The following MGAT4A variants were observed in gnomAD, a reference collection of about 807,000 sequenced individuals.
The protein encoded by MGAT4A is alpha-1,3-mannosyl-glycoprotein 4-beta-N-acetylglucosaminyltransferase A, also known as N-acetylglucosaminyltransferase IVa.
MGAT4A carries 33 observed loss-of-function variants against 74.1 expected under a neutral mutation model. The ratio of observed to expected loss-of-function variants is 0.45; its 90% CI spans 0.34 to 0.60. The LOEUF (loss-of-function observed/expected upper bound fraction) is 0.60. MGAT4A is among the 20% of genes least tolerant of loss of function. The pLI, the probability that MGAT4A is intolerant of heterozygous loss-of-function variation, is 0.02. For missense variants in MGAT4A, 479 were observed against 628.3 expected (o/e 0.76, Z 2.54); for synonymous variants, 198 against 210.4 (o/e 0.94, Z 0.51).
Position 98,620,732 on chromosome 2 carries a change from TA to T in MGAT4A, c.*4833del, listed in dbSNP as rs1208316042. ...GCAAAGGTTATTTTTGCTCTTAATG[TA>T]TCTAAAATACCACTGTTAATCATTC... On this transcript the variant is annotated 3_prime_UTR_variant, in exon 16 of 16. Coordinates refer to ENST00000393487, the MANE Select transcript of MGAT4A (RefSeq NM_012214.3). The T allele has an allele frequency of 6.6e-6, 1 of 152,244 alleles. No homozygotes were observed. The highest frequency in any genetic ancestry group is 1.5e-5 in the Non-Finnish European group (1 of 68,044). 9.4% of individuals were successfully genotyped at this position (152,244 alleles called of 1,614,324 possible). A position where few individuals can be genotyped will look rare whatever the true frequency, so the allele number is the denominator to read the frequency against.
intron 4 of MGAT4A, among the ~76,000 whole-genome samples, chr2:98,668,054 T>C (rs1701862830): frequency 6.6e-6 from 1 of 152,198 alleles, no homozygotes; most frequent in South Asian, 2.1e-4. Flanking sequence ...CATGAAAGTT[T>C]GGAAAATTTG....
intron 2 of MGAT4A, among the ~76,000 whole-genome samples, chr2:98,691,474 C>T (rs749364331): frequency 1.3e-5 from 2 of 151,986 alleles, no homozygotes; most frequent in Non-Finnish European, 2.9e-5. Context: ...CTGAAAAATT[C>T]CTATCGCCTA....
chr2:98,641,700 A>AT (rs976699507), intron 10 of MGAT4A, among the ~76,000 whole-genome samples: 3 of 151,136 alleles, frequency 2.0e-5, no homozygotes, highest in African/African-American at 7.3e-5. Context: ...AGAAAAAAAA[A>AT]TACAAAAATT....
Position 98,620,090 on chromosome 2 carries a change from C to T in MGAT4A, c.*5476G>A, listed in dbSNP as rs536913705. The T allele has an allele frequency of 1.3e-5, 2 of 152,058 alleles. No individual in the cohort carries two copies. Among genetic ancestry groups the T allele is most frequent in the African/African-American group, 4.8e-5 (2 of 41,386 alleles). 9.4% of individuals were successfully genotyped at this position (152,058 alleles called of 1,614,324 possible). ...AAAATGATCTAGTTAGTGCCCAAAC[C>T]GGGTGAAGGAGTGTTTCAGGTAAGA... On this transcript the variant is annotated 3_prime_UTR_variant, in exon 16 of 16. Coordinates refer to ENST00000393487, the MANE Select transcript of MGAT4A (RefSeq NM_012214.3).
At chr2:98,699,501 T>C (rs1702321731) in intron 2 of MGAT4A, among the ~76,000 whole-genome samples, 1 of 152,112 alleles carries the variant, frequency 6.6e-6, no homozygotes, top group Admixed American at 6.5e-5. Context: ...AATCATATTT[T>C]AGTCTTTTTT....
intron 5 of MGAT4A, among the ~76,000 whole-genome samples, chr2:98,659,662 G>C (rs971700003): frequency 6.6e-6 from 1 of 152,134 alleles, no homozygotes; most frequent in Non-Finnish European, 1.5e-5. Flanking sequence ...TTTATAAGGG[G>C]TTTCCCCCTT....
chr2:98,684,798 A>G (rs548119240), intron 2 of MGAT4A, among the ~76,000 whole-genome samples: 1 of 152,376 alleles, frequency 6.6e-6, no homozygotes, highest in African/African-American at 2.4e-5. Context: ...TGTACAAGAT[A>G]CTACTAAATT....
At chr2:98,672,212 C>A (rs1701920462) in intron 4 of MGAT4A, among the ~76,000 whole-genome samples, 1 of 152,176 alleles carries the variant, frequency 6.6e-6, no homozygotes, top group African/African-American at 2.4e-5. Flanking sequence ...CCTAATTAGG[C>A]CAAAAGTCCC....
At chr2:98,628,992 A>G (rs1248649136) in intron 14 of MGAT4A, among the ~76,000 whole-genome samples, 1 of 152,248 alleles carries the variant, frequency 6.6e-6, no homozygotes, top group African/African-American at 2.4e-5. Context: ...TTCCAAAAAA[A>G]CTTTATTTAT....
intron 2 of MGAT4A, among the ~76,000 whole-genome samples, chr2:98,722,555 G>T (rs1702690831): frequency 6.6e-6 from 1 of 152,182 alleles, no homozygotes; most frequent in Non-Finnish European, 1.5e-5. Flanking sequence ...TAGGGATTAG[G>T]ACAGTAATAG....
At chr2:98,730,356 G>C (rs1702830074) in intron 1 of MGAT4A, 1 of 152,226 alleles carries the variant, frequency 6.6e-6, no homozygotes, top group African/African-American at 2.4e-5. Flanking sequence ...TGGAGTCACC[G>C]AGACCCAGCC....
intron 4 of MGAT4A, among the ~76,000 whole-genome samples, chr2:98,674,742 A>ATC (rs967171139): frequency 2.4e-4 from 36 of 152,232 alleles, no homozygotes; most frequent in African/African-American, 7.5e-4. Context: ...AAGGCAAGTC[A>ATC]TCTCTGTACT....
At chr2:98,727,592 C>T (rs1702784604) in intron 1 of MGAT4A, among the ~76,000 whole-genome samples, 1 of 152,152 alleles carries the variant, frequency 6.6e-6, no homozygotes, top group Non-Finnish European at 1.5e-5. Context: ...ACAGGATGCA[C>T]CTGGTAATAT....
At chr2:98,650,493 T>G (rs184351676) in intron 8 of MGAT4A, among the ~76,000 whole-genome samples, 47 of 152,258 alleles carry the variant, frequency 3.1e-4, no homozygotes, top group African/African-American at 1.1e-3. Context: ...AAGAGGAAAG[T>G]GACCCAACAA....
chr2:98,627,348 C>T (rs567771148), intron 14 of MGAT4A, among the ~76,000 whole-genome samples: 67 of 152,176 alleles, frequency 4.4e-4, no homozygotes, highest in African/African-American at 1.6e-3. Flanking sequence ...CATTAAGAAA[C>T]AATATTAAGT....
chr2:98,670,926 CCAA>C (rs1410968053), intron 4 of MGAT4A, among the ~76,000 whole-genome samples: 1 of 152,192 alleles, frequency 6.6e-6, no homozygotes, highest in African/African-American at 2.4e-5. Context: ...ACTGCCTACT[CCAA>C]CATCTCCACT....
Position 98,644,023 on chromosome 2 carries a change from A to G in MGAT4A, c.920T>C (p.Leu307Pro). The G allele has an allele frequency of 6.2e-7, 1 of 1,601,722 alleles. No individual in the cohort carries two copies. The highest frequency in any genetic ancestry group is 8.5e-7 in the Non-Finnish European group (1 of 1,171,138). ...GKMFQAPDLT[L>P]IVEFIFMFYK... is the part of the protein sequence containing the mutation. ...AAACATGAATATGAATTCTACAATC[A>G]GAGTAAGATCCGGCGCTTGAAACAT... Residue 307 changes from leucine to proline, a missense_variant, in exon 10 of 16, where the codon CTG (leucine) becomes CCG (proline). Coordinates refer to ENST00000393487, the MANE Select transcript of MGAT4A (RefSeq NM_012214.3).
intron 4 of MGAT4A, among the ~76,000 whole-genome samples, chr2:98,669,219 T>C (rs1701878311): frequency 6.6e-6 from 1 of 152,210 alleles, no homozygotes; most frequent in South Asian, 2.1e-4. Context: ...AATTCCTACA[T>C]GTTGTGGGAG....
At chr2:98,668,222 T>A (rs767812029) in intron 4 of MGAT4A, among the ~76,000 whole-genome samples, 6 of 152,186 alleles carry the variant, frequency 3.9e-5, no homozygotes, top group Non-Finnish European at 8.8e-5. Flanking sequence ...ACCCCTCCCA[T>A]CACAGGCCCA....
Sources: gnomAD v4.1 joint callset for allele counts (sites outside exome capture counted in the v4.1 genomes callset) on GRCh38, gnomAD v4.1.1 for gene constraint, MANE v1.5 for transcripts, NCBI Gene and HGNC (gene_info 2026-07-23, HGNC 2026-07-21) for gene names.